WWOX: variants seen among roughly 807,000 people sequenced by gnomAD.
WWOX encodes WW domain containing oxidoreductase, also known as WW domain-containing oxidoreductase.
WWOX carries 69 observed loss-of-function variants against 46.2 expected under a neutral mutation model. The observed-to-expected ratio is 1.49, with a 90% CI of 1.23 to 1.82. The LOEUF is 1.82. WWOX is among the 40% of genes most tolerant of loss of function. The pLI is 0.00. For missense variants in WWOX, 919 were observed against 542.6 expected, an observed-to-expected ratio of 1.69 and a Z score of -6.89; for synonymous variants, 359 against 202.6, an observed-to-expected ratio of 1.77 and a Z score of -6.56.
At chr16:78,575,017 AT>A (rs1567655010) in intron 8 of WWOX, among the ~76,000 whole-genome samples, 2 of 13,050 alleles carry the variant, frequency 1.5e-4, no homozygotes, top group East Asian at 2.0e-3. Flanking sequence ...ATATATATAT[AT>A]ATAAATATAT....
chr16:78,957,179 G>A (rs2046184291), intron 8 of WWOX, among the ~76,000 whole-genome samples: 1 of 152,160 alleles, frequency 6.6e-6, no homozygotes, highest in African/African-American at 2.4e-5. Context: ...CCTTAAAGAA[G>A]CAATATTTAC....
intron 8 of WWOX, among the ~76,000 whole-genome samples, chr16:78,491,093 T>A (rs752785348): frequency 2.3e-4 from 35 of 152,132 alleles, no homozygotes; most frequent in Non-Finnish European, 4.7e-4. Flanking sequence ...AGCTGTGCCC[T>A]CTCCCCGAGG....
intron 8 of WWOX, among the ~76,000 whole-genome samples, chr16:79,107,367 C>T (rs2049331900): frequency 6.6e-6 from 1 of 152,200 alleles, no homozygotes; most frequent in African/African-American, 2.4e-5. Context: ...GGATGACAGG[C>T]ACGAGTCACC....
intron 3 of WWOX, among the ~76,000 whole-genome samples, chr16:78,113,832 A>T (rs1439586509): frequency 6.6e-6 from 1 of 152,124 alleles, no homozygotes; most frequent in Non-Finnish European, 1.5e-5. Context: ...TATAAATAGA[A>T]TGAGGATGAG....
intron 8 of WWOX, among the ~76,000 whole-genome samples, chr16:78,567,436 C>G (rs1003247700): frequency 2.0e-5 from 3 of 151,080 alleles, no homozygotes; most frequent in African/African-American, 7.3e-5. Context: ...GCCTGTAGTC[C>G]CAGCTACTCC....
chr16:78,436,168 G>A (rs1376542175), intron 8 of WWOX, among the ~76,000 whole-genome samples: 1 of 152,196 alleles, frequency 6.6e-6, no homozygotes, highest in Non-Finnish European at 1.5e-5. Flanking sequence ...TGTGAGCAGT[G>A]CCTTGGTCCC....
chr16:78,585,972 G>T (rs2045193231), intron 8 of WWOX, among the ~76,000 whole-genome samples: 1 of 151,986 alleles, frequency 6.6e-6, no homozygotes, highest in Non-Finnish European at 1.5e-5. Context: ...CGAGACTCGG[G>T]GATCCCTTGA....
chr16:78,208,270 A>C (rs1316481365), intron 5 of WWOX, among the ~76,000 whole-genome samples: 1 of 152,212 alleles, frequency 6.6e-6, no homozygotes, highest in Non-Finnish European at 1.5e-5. Context: ...ACAATGTAGG[A>C]GATAACGAAG....
intron 8 of WWOX, among the ~76,000 whole-genome samples, chr16:78,741,419 G>C (rs2049224972): frequency 6.6e-6 from 1 of 152,106 alleles, no homozygotes; most frequent in Non-Finnish European, 1.5e-5. Context: ...AAAATAGCTG[G>C]CGTGGTGGCG....
At chr16:78,863,973 C>A (rs957367703) in intron 8 of WWOX, among the ~76,000 whole-genome samples, 2 of 152,148 alleles carry the variant, frequency 1.3e-5, no homozygotes, top group African/African-American at 4.8e-5. Context: ...TATGGATATA[C>A]CAAATATTTT....
intron 8 of WWOX, among the ~76,000 whole-genome samples, chr16:78,812,768 T>G (rs1240371547): frequency 6.6e-6 from 1 of 152,102 alleles, no homozygotes; most frequent in Non-Finnish European, 1.5e-5. Context: ...CCTTGACTAA[T>G]GCAGAATCAG....
At chr16:78,940,441 C>G (rs535616165) in intron 8 of WWOX, among the ~76,000 whole-genome samples, 1 of 152,142 alleles carries the variant, frequency 6.6e-6, no homozygotes, top group Non-Finnish European at 1.5e-5. Flanking sequence ...TTTTTAGATA[C>G]AAGTCAAAAT....
chr16:78,597,052 T>C (rs922497560), intron 8 of WWOX, among the ~76,000 whole-genome samples: 3 of 152,212 alleles, frequency 2.0e-5, no homozygotes, highest in African/African-American at 7.2e-5. Flanking sequence ...CCCTACCCTC[T>C]TCTGCGTAGA....
At chr16:78,757,936 T>G (rs140791518) in intron 8 of WWOX, among the ~76,000 whole-genome samples, 1 of 152,074 alleles carries the variant, frequency 6.6e-6, no homozygotes, top group Non-Finnish European at 1.5e-5. Flanking sequence ...GATTAGGGTT[T>G]CCAAATATGA....
chr16:78,614,219 C>A (rs1180423057), intron 8 of WWOX, among the ~76,000 whole-genome samples: 1 of 152,222 alleles, frequency 6.6e-6, no homozygotes, highest in Admixed American at 6.5e-5. Context: ...ATTGAAAGAA[C>A]TATCTGTGTT....
At position 78,578,666 on chromosome 16, in the gene WWOX, T is replaced by C. The variant is rs141742027; in HGVS notation, c.1056+145914T>C. 4.3e-3 allele frequency among the ~76,000 whole-genome samples: 649 copies of C among 152,268 alleles called. 5 individuals are homozygous for C. Among genetic ancestry groups the C allele is most frequent in the Middle Eastern group, 0.024 (7 of 294 alleles). On this transcript the variant is annotated intron_variant, in intron 8 of 8. Coordinates refer to ENST00000566780, the MANE Select transcript of WWOX (RefSeq NM_016373.4). ...AAGACAGATACATAGGCAGTTGTTA[T>C]GCAGTGTTTGAAATAAATTTATTGC...
chr16:79,167,895 C>T (rs2050625737), intron 8 of WWOX, among the ~76,000 whole-genome samples: 2 of 152,134 alleles, frequency 1.3e-5, no homozygotes, highest in Non-Finnish European at 2.9e-5. Flanking sequence ...GTCATCACTG[C>T]CCCATTCCCT....
At chr16:78,187,545 A>G (rs2035749801) in intron 5 of WWOX, among the ~76,000 whole-genome samples, 1 of 152,074 alleles carries the variant, frequency 6.6e-6, no homozygotes. Flanking sequence ...AGAGATTGCA[A>G]TGAGCCGAGA....
At chr16:78,590,815 C>G (rs1040738551) in intron 8 of WWOX, among the ~76,000 whole-genome samples, 3 of 152,150 alleles carry the variant, frequency 2.0e-5, no homozygotes, top group African/African-American at 7.2e-5. Flanking sequence ...GTGTAAGCCT[C>G]AAATGGGAGG....
Sources: allele counts gnomAD v4.1 joint callset (sites outside exome capture counted in the v4.1 genomes callset), GRCh38; gene constraint gnomAD v4.1.1; transcripts MANE v1.5; gene names NCBI Gene and HGNC (gene_info 2026-07-23, HGNC 2026-07-21).